The following SNX27 variants were observed in gnomAD, a reference collection of about 807,000 sequenced individuals.
SNX27 encodes the protein sorting nexin 27.
SNX27 carries 22 observed loss-of-function variants against 71.6 expected under a neutral mutation model. The ratio of observed to expected loss-of-function variants is 0.31; its 90% CI spans 0.22 to 0.44. The LOEUF is 0.44. Ranked by LOEUF, SNX27 falls within the 20% of genes least tolerant of loss-of-function variation. The probability of loss-of-function intolerance (pLI) is 1.00; values close to 1 mark genes in which losing one functional copy is unlikely to be tolerated. For synonymous variants in SNX27, 269 were observed against 277.2 expected (o/e 0.97, Z 0.29); for missense variants, 531 against 698.6 (o/e 0.76, Z 2.70).
intron 8 of SNX27, 110 bp from the exon 9 acceptor site, chr1:151,692,323 CTT>C: frequency 1.5e-6 from 2 of 1,338,042 alleles, no homozygotes; most frequent in Non-Finnish European, 2.0e-6. Flanking sequence ...TGAGAATACT[CTT>C]TGTTCTTTTT....
At chr1:151,642,764 G>T (rs1030620067) in intron 2 of SNX27, among the ~76,000 whole-genome samples, 1 of 151,454 alleles carries the variant, frequency 6.6e-6, no homozygotes, top group African/African-American at 2.4e-5. Context: ...TCAGTCTCCC[G>T]AGTAGCTGGG....
At chr1:151,643,163 C>T (rs1045832995) in intron 2 of SNX27, among the ~76,000 whole-genome samples, 1 of 150,716 alleles carries the variant, frequency 6.6e-6, no homozygotes, top group Non-Finnish European at 1.5e-5. Flanking sequence ...AGGGTTTCTC[C>T]ATGTTGGTCA....
intron 7 of SNX27, among the ~76,000 whole-genome samples, chr1:151,669,768 A>C (rs898886608): frequency 3.3e-5 from 5 of 152,116 alleles, no homozygotes; most frequent in African/African-American, 1.2e-4. Flanking sequence ...TTGTGGGTAC[A>C]TAGTAGGTGT....
chr1:151,645,862 CCTG>C (rs1326363602), intron 2 of SNX27, among the ~76,000 whole-genome samples: 1 of 152,202 alleles, frequency 6.6e-6, no homozygotes, highest in Non-Finnish European at 1.5e-5. Context: ...CCACAGTCTG[CCTG>C]CTTTTAGTGT....
chr1:151,676,270 ATTTTTTTTTTTTTTTTTTTTTTTTTTT>A (rs752951557), intron 7 of SNX27: 43 of 56,518 alleles, frequency 7.6e-4, no homozygotes, highest in African/African-American at 2.9e-3. Flanking sequence ...AGTGCTATTA[ATTTTTTTTTTTTTTTTTTTTTTTTTTT>A]TTTTTTTTTT....
At chr1:151,691,252 G>A (rs191946868) in intron 8 of SNX27, among the ~76,000 whole-genome samples, 39 of 151,626 alleles carry the variant, frequency 2.6e-4, no homozygotes, top group Admixed American at 2.2e-3. Context: ...ACTGCACTCC[G>A]GCCTGGGTGA....
chr1:151,680,618 G>A (rs1009944965), intron 7 of SNX27, among the ~76,000 whole-genome samples: 6 of 152,132 alleles, frequency 3.9e-5, no homozygotes, highest in African/African-American at 1.2e-4. Context: ...ATAGTTCTAG[G>A]CGTTAGGGGT....
intron 7 of SNX27, among the ~76,000 whole-genome samples, chr1:151,682,168 C>T (rs1398277701): frequency 6.6e-6 from 1 of 152,220 alleles, no homozygotes; most frequent in Non-Finnish European, 1.5e-5. Flanking sequence ...CTCACATATA[C>T]CTAAAAGAAT....
chr1:151,639,951 G>A (rs1482738502), intron 2 of SNX27, among the ~76,000 whole-genome samples: 1 of 152,146 alleles, frequency 6.6e-6, no homozygotes, highest in Non-Finnish European at 1.5e-5. Context: ...CAGACTACAG[G>A]TTTTAAAGCT....
chr1:151,645,920 A>G (rs1669012944), intron 2 of SNX27, among the ~76,000 whole-genome samples: 1 of 152,212 alleles, frequency 6.6e-6, no homozygotes, highest in Non-Finnish European at 1.5e-5. Flanking sequence ...TTCGTCCAGA[A>G]TTTATAGTGG....
intron 3 of SNX27, among the ~76,000 whole-genome samples, chr1:151,658,777 T>C (rs1669819470): frequency 6.6e-6 from 1 of 152,154 alleles, no homozygotes; most frequent in Non-Finnish European, 1.5e-5. Flanking sequence ...CTCTGCCTCC[T>C]GGGTTCAAGT....
chr1:151,649,591 AC>A (rs1461073030), intron 2 of SNX27, among the ~76,000 whole-genome samples: 59 of 152,140 alleles, frequency 3.9e-4, no homozygotes, highest in Admixed American at 3.8e-3. Flanking sequence ...TCAATTTAAA[AC>A]AAAATCACTC....
rs909968816 is a variant in SNX27 at position 151,677,581 on chromosome 1, A to T, written c.1150-5775A>T. 2.0e-5 allele frequency: 3 copies of T among 152,042 alleles called. No homozygotes were observed. The South Asian group carries it at 6.2e-4, about 32-fold the overall frequency. 9.4% of individuals were successfully genotyped at this position (152,042 alleles called of 1,614,324 possible). ...TTTATTTTAAATGTATTTTTTATTT[A>T]AAAAATTGAGAAGGTATCTCGCTAT... is the stretch of plus-strand genomic sequence containing the variant. On this transcript the variant is annotated intron_variant, in intron 7 of 11. Transcript: ENST00000458013.
intron 8 of SNX27, among the ~76,000 whole-genome samples, chr1:151,684,912 G>A (rs1331873339): frequency 2.6e-5 from 4 of 151,964 alleles, no homozygotes; most frequent in East Asian, 1.9e-4. Context: ...GGGCTCAAGC[G>A]ATTCTCCTGC....
At chr1:151,678,302 T>A (rs1187703838) in intron 7 of SNX27, 1 of 152,262 alleles carries the variant, frequency 6.6e-6, no homozygotes, top group Non-Finnish European at 1.5e-5. Context: ...ACTTTTTGTT[T>A]CTATGAATTT....
chr1:151,639,164 C>G, intron 2 of SNX27, 45 bp downstream of exon 2: 2 of 1,520,246 alleles, frequency 1.3e-6, no homozygotes, highest in Non-Finnish European at 1.8e-6. Context: ...AGCTTTGTTT[C>G]CCCTAGTCTT....
intron 1 of SNX27, among the ~76,000 whole-genome samples, chr1:151,617,035 C>T (rs1198232844): frequency 6.6e-6 from 1 of 152,012 alleles, no homozygotes; most frequent in East Asian, 1.9e-4. Context: ...GAGTAATGAG[C>T]TAAGGTTATA....
rs1558043690 is a variant in SNX27, at chr1:151,637,166, TTTTG to T, written c.312-1718_312-1715del. On this transcript the variant is annotated intron_variant, in intron 1 of 11. Transcript: ENST00000458013. ...AGAGTTGATCACGTTTTTTTTGTTT[TTTTG>T]TTTTTTTTTTTTGAGACAGAGTCTT... Among the ~76,000 whole-genome samples the T allele has an allele frequency of 4.0e-4, 36 of 90,376 alleles. 10 individuals are homozygous for T. The highest frequency in any genetic ancestry group is 6.1e-4 in the Admixed American group (5 of 8,170). 59.3% of individuals were successfully genotyped at this position (90,376 alleles called of 152,430 possible).
chr1:151,691,866 C>A (rs1315883305), intron 8 of SNX27, among the ~76,000 whole-genome samples: 4 of 149,368 alleles, frequency 2.7e-5, no homozygotes, highest in African/African-American at 9.8e-5. Context: ...GGTGTTGTTT[C>A]CTTACTTATG....
Sources: allele counts gnomAD v4.1 joint callset (sites outside exome capture counted in the v4.1 genomes callset), GRCh38; gene constraint gnomAD v4.1.1; transcripts MANE v1.5; gene names NCBI Gene and HGNC (gene_info 2026-07-23, HGNC 2026-07-21).